The following TBX6 variants were observed in gnomAD, a reference collection of about 807,000 sequenced individuals.
TBX6 encodes T-box transcription factor 6.
Under a neutral mutation model 42.3 loss-of-function variants are expected in TBX6, and 29 were observed. The ratio of observed to expected loss-of-function variants is 0.69; its 90% CI spans 0.51 to 0.93. The LOEUF is 0.93. Ranked by LOEUF, TBX6 falls within the 40% of genes least tolerant of loss-of-function variation. TBX6 has a pLI of 0.00. For synonymous variants in TBX6, 249 were observed against 245.1 expected (o/e 1.02, Z -0.15); for missense variants, 569 against 603.3 (o/e 0.94, Z 0.59).
Position 30,086,834 on chromosome 16 carries a change from A to G in TBX6, c.857T>C (p.Val286Ala). The change falls in exon 7 of 9, where the codon GTG (valine) becomes GCG (alanine). Residue 286 changes from valine to alanine, a missense_variant. Physicochemically the swap from Val to Ala is moderately conservative, Grantham distance 64. Coordinates refer to ENST00000395224, the MANE Select transcript of TBX6 (RefSeq NM_004608.4). This position sits in a 1 kb window ranked among gnomAD's most constrained non-coding sequence, Gnocchi z 4.6. ...RNCKRERDAR[V>A]KRKLRGPEPA... ...CTCTGGGCCCCGCAGTTTCCTCTTC[A>G]CACGGGCGTCTCGCTCCCTGGGGAA... 1 of 1,613,110 alleles carries G rather than the reference A, an allele frequency of 6.2e-7. No individual in the cohort carries two copies. Among genetic ancestry groups the G allele is most frequent in the Non-Finnish European group, 8.5e-7 (1 of 1,179,662 alleles).
chr16:30,086,268 G>A lies in TBX6; in HGVS notation c.1268C>T (p.Ala423Val), dbSNP rs201930048. 291 of 1,612,130 alleles carry A rather than the reference G, an allele frequency of 1.8e-4. No individual in the cohort carries two copies. The highest frequency in any genetic ancestry group is 2.3e-4 in the Non-Finnish European group (272 of 1,179,682). ...GCCCACATCCAGATAGCCCCCAGGC[G>A]CGGTGTATGGTAGAGGGAAGGGGCC... Reference protein sequence around the residue: ...QGGPFPLPYTAPGGYLDVGSK... With the variant: ...QGGPFPLPYTVPGGYLDVGSK... The change falls in exon 9 of 9, where the codon GCG becomes GTG. Residue 423 changes from alanine (A) to valine (V), a missense_variant. Ala to Val is a moderately conservative substitution (Grantham distance 64). This residue lies in a region of TBX6 where 245 missense variants were observed against 227.4 expected (regional missense o/e 1.08). Coordinates refer to ENST00000395224, the MANE Select transcript of TBX6 (RefSeq NM_004608.4). This position sits in a 1 kb window ranked among gnomAD's most constrained non-coding sequence, Gnocchi z 4.6.
rs1264322049 is a variant in TBX6 at position 30,086,068 on chromosome 16, T to C, written c.*157A>G. The C allele has an allele frequency of 1.4e-5, 7 of 514,376 alleles. No homozygotes were observed. The highest frequency in any genetic ancestry group is 1.8e-5 in the Non-Finnish European group (6 of 330,826). The allele number at this position is 514,376 out of a possible 1,614,324, so 31.9% of individuals were successfully genotyped here. On this transcript the variant is annotated 3_prime_UTR_variant, in exon 9 of 9. Transcript: ENST00000395224. The surrounding 1 kb of genome is among the most constrained non-coding windows in gnomAD (Gnocchi z 4.6). ...GTTAGGCTTTGAAGCCAGAGGGGGG[T>C]GGGAGTGAAATCAAGGTGTGAAGTT...
rs767360040 is a variant in TBX6, at chr16:30,090,818, C to G, written c.293G>C (p.Arg98Pro). Residue 98 changes from arginine to proline, a missense_variant, in exon 3 of 9, where the codon CGG (arginine) becomes CCG (proline). Physicochemically the swap from Arg to Pro is moderately radical, Grantham distance 103. This residue lies in a region of TBX6 where 190 missense variants were observed against 250.6 expected (regional missense o/e 0.76). Coordinates refer to ENST00000395224, the MANE Select transcript of TBX6 (RefSeq NM_004608.4). ...AGAGCTGAACTCCTTCCATAGCTCC[C>G]GGTTCTCCAGGCTCAGGCTGACCCC... is the stretch of plus-strand genomic sequence containing the variant. ...LPGVSLSLENRELWKEFSSVG... is the reference protein window; with the variant it reads ...LPGVSLSLENPELWKEFSSVG... 1 of 1,603,226 alleles carries G rather than the reference C, an allele frequency of 6.2e-7. No homozygotes were observed. The highest frequency in any genetic ancestry group is 1.7e-5 in the Admixed American group (1 of 58,292).
chr16:30,091,315 G>A (rs1003959607), intron 1 of TBX6, 74 bp from the exon 2 acceptor site: 2 of 879,462 alleles, frequency 2.3e-6, no homozygotes, highest in South Asian at 1.8e-5. Context: ...CCCCTCTTTG[G>A]GGCCCTGGAG....
In TBX6 at chr16:30,088,385, C is replaced by T; in HGVS notation, c.839+160G>A. On this transcript the variant is annotated intron_variant, in intron 6 of 8. Coordinates refer to ENST00000395224, the MANE Select transcript of TBX6 (RefSeq NM_004608.4). This position sits in a 1 kb window ranked among gnomAD's most constrained non-coding sequence, Gnocchi z 4.1. ...TTTTATCTCCAGTGCCTGGAACTGT[C>T]CCTGGCACATAGCAGGTACTATATA... 9.8e-7 allele frequency: 1 copy of T among 1,020,138 alleles called. No individual in the cohort carries two copies. Among genetic ancestry groups the T allele is most frequent in the East Asian group, 2.6e-5 (1 of 38,606 alleles). The allele number at this position is 1,020,138 out of a possible 1,614,324, so 63.2% of individuals were successfully genotyped here.
intron 3 of TBX6, among the ~76,000 whole-genome samples, chr16:30,090,303 G>A (rs1350601631): frequency 1.3e-5 from 2 of 152,156 alleles, no homozygotes; most frequent in Non-Finnish European, 2.9e-5. Context: ...GTCAAACACT[G>A]ACCGTGTCCC....
chr16:30,091,237 C>G lies in TBX6; in HGVS notation c.-44G>C, dbSNP rs780684105. On this transcript the variant is annotated 5_prime_UTR_variant, in exon 2 of 9. Coordinates refer to ENST00000395224, the MANE Select transcript of TBX6 (RefSeq NM_004608.4). ...CTCAGGTCTCGCTGCTTAGGGCCCCCGGTGCTGCGAGATGCCCCCTTTATA... is the reference window on the plus strand; with the variant it reads ...CTCAGGTCTCGCTGCTTAGGGCCCCGGGTGCTGCGAGATGCCCCCTTTATA... 2.1e-6 allele frequency: 3 copies of G among 1,444,146 alleles called. No homozygotes were observed. The highest frequency in any genetic ancestry group is 1.9e-6 in the Non-Finnish European group (2 of 1,077,746). 89.5% of individuals were successfully genotyped at this position (1,444,146 alleles called of 1,614,324 possible).
rs1375364727 is a variant in TBX6, at chr16:30,091,002, G to A, written c.119-10C>T. 7 of 1,609,058 alleles carry A rather than the reference G, an allele frequency of 4.4e-6. No individual in the cohort carries two copies. In the Admixed American group the frequency reaches 5.1e-5, roughly 12 times the overall value. Reference sequence around the variant, plus strand: ...TTAGGGGTGTCCAGTTCTGGAAGCCGGGGAAGAATGAGGAGCCAGCCGAGG... The same window carrying A: ...TTAGGGGTGTCCAGTTCTGGAAGCCAGGGAAGAATGAGGAGCCAGCCGAGG... On this transcript the variant is annotated splice_polypyrimidine_tract_variant and intron_variant, in intron 2 of 8. Coordinates refer to ENST00000395224, the MANE Select transcript of TBX6 (RefSeq NM_004608.4).
In TBX6 at chr16:30,088,760, C is replaced by A. The variant is rs776999311; in HGVS notation, c.701G>T (p.Gly234Val). 1 of 1,614,056 alleles carries A rather than the reference C, an allele frequency of 6.2e-7. No homozygotes were observed. The highest frequency in any genetic ancestry group is 8.5e-7 in the Non-Finnish European group (1 of 1,179,942). ...RAAQLCSQHWGGMASFRFPET... is the reference protein window; with the variant it reads ...RAAQLCSQHWVGMASFRFPET... The stretch of plus-strand genomic sequence containing the variant: ...GGGGAAGCGGAAGGAGGCCATGCCC[C>A]CCCAGTGCTGGCTGCAGAGCTGGGC... The change falls in exon 5 of 9, where the codon GGG becomes GTG. Residue 234 changes from glycine to valine, a missense_variant. Physicochemically the swap from Gly to Val is moderately radical, Grantham distance 109. This residue lies in a region of TBX6 where 190 missense variants were observed against 250.6 expected (regional missense o/e 0.76). Transcript: ENST00000395224. This position sits in a 1 kb window ranked among gnomAD's most constrained non-coding sequence, Gnocchi z 4.1.
At chr16:30,087,014 A>G (rs2072644956) in intron 6 of TBX6, 163 bp from the exon 7 acceptor site, 1 of 768,902 alleles carries the variant, frequency 1.3e-6, no homozygotes, top group Non-Finnish European at 2.0e-6. Context: ...CAGAAAATTA[A>G]ATAACTAGAA....
chr16:30,091,176 T>G lies in TBX6; in HGVS notation c.18A>C (p.Glu6Asp). 1.9e-6 allele frequency: 3 copies of G among 1,587,316 alleles called. No individual in the cohort carries two copies. The highest frequency in any genetic ancestry group is 2.6e-6 in the Non-Finnish European group (3 of 1,169,262). Residue 6 changes from glutamate to aspartate, a missense_variant, in exon 2 of 9, where the codon GAA (glutamate) becomes GAC (aspartate). By Grantham distance (45) the Glu-to-Asp change is conservative. Transcript: ENST00000395224. ...AGCCGGCCCCCAGGGACGGGTACAA[T>G]TCTCGTGGATGGTACATGTTGTAGT... MYHPR[E>D]LYPSLGAGYR...
Position 30,087,059 on chromosome 16 carries a change from T to G in TBX6, c.840-208A>C, listed in dbSNP as rs146714548. 8.1e-3 allele frequency among the ~76,000 whole-genome samples: 1,232 copies of G among 152,266 alleles called. 5 individuals are homozygous for G. The highest frequency in any genetic ancestry group is 0.014 in the Non-Finnish European group (967 of 68,020). On this transcript the variant is annotated intron_variant, in intron 6 of 8. Coordinates refer to ENST00000395224, the MANE Select transcript of TBX6 (RefSeq NM_004608.4). ...GCTGGAATTTTGTCCCTGCTCAAAT[T>G]TGTCCATGCTTTCCTATTGTGTTTA...
rs1270485104 is a variant in TBX6 at position 30,088,745 on chromosome 16, AAGG to A, written c.713_715del (p.Ser238del). ...GATGAATGTGGTCTCGGGGAAGCGG[AAGG>A]AGGCCATGCCCCCCCAGTGCTGGCT... On this transcript the variant is annotated inframe_deletion, in exon 5 of 9. Coordinates refer to ENST00000395224, the MANE Select transcript of TBX6 (RefSeq NM_004608.4). The surrounding 1 kb of genome is among the most constrained non-coding windows in gnomAD (Gnocchi z 4.1). The A allele has an allele frequency of 6.2e-7, 1 of 1,613,992 alleles. No homozygotes were observed. Among genetic ancestry groups the A allele is most frequent in the Non-Finnish European group, 8.5e-7 (1 of 1,179,932 alleles).
chr16:30,091,485 T>G, intron 1 of TBX6: 1 of 301,648 alleles, frequency 3.3e-6, no homozygotes, highest in Non-Finnish European at 6.2e-6. Flanking sequence ...GCTTGATTGA[T>G]CCCCAGGGCT....
chr16:30,089,117 A>T lies in TBX6; in HGVS notation c.447T>A (p.Ala149=). 6.2e-7 allele frequency: 1 copy of T among 1,613,980 alleles called. No individual in the cohort carries two copies. The change falls in exon 4 of 9, where the codon GCT becomes GCA. Residue 149 remains alanine, a synonymous_variant. Transcript: ENST00000395224. The part of the protein sequence containing the change: ...FLLDVIPVDG[A]RYRWQGRRWE... ...AGCGCCGGCCCTGCCAGCGGTAGCG[A>T]GCCCCATCCACCGGAATCACATCCA...
chr16:30,090,236 C>T (rs1442750812), intron 3 of TBX6, among the ~76,000 whole-genome samples: 1 of 152,144 alleles, frequency 6.6e-6, no homozygotes. Flanking sequence ...GCAGTAGGGC[C>T]GAGGACTTTC....
Position 30,088,227 on chromosome 16 carries a change from C to T in TBX6, c.839+318G>A. The T allele has an allele frequency of 2.6e-6, 1 of 380,806 alleles. No individual in the cohort carries two copies. 23.6% of individuals were successfully genotyped at this position (380,806 alleles called of 1,614,324 possible). ...TGCTGGGATTACATGCGTGAGCCAC[C>T]ACACCTGGTCTCTCTTCTCTTTAGA... On this transcript the variant is annotated intron_variant, in intron 6 of 8. Transcript: ENST00000395224. This position sits in a 1 kb window ranked among gnomAD's most constrained non-coding sequence, Gnocchi z 4.1.
intron 6 of TBX6, chr16:30,087,930 T>C (rs577314903): frequency 2.0e-4 from 28 of 139,132 alleles, no homozygotes; most frequent in African/African-American, 7.1e-4. Context: ...CAGAGTTTTC[T>C]TTTCTTTCTT....
Position 30,086,861 on chromosome 16 carries a change from AGTG to A in TBX6, c.840-13_840-11del, listed in dbSNP as rs761867390. 7 of 1,592,678 alleles carry A rather than the reference AGTG, an allele frequency of 4.4e-6. No homozygotes were observed. The Admixed American group carries it at 6.9e-5, about 16-fold the overall frequency. ...ACGGGCGTCTCGCTCCCTGGGGAAC[AGTG>A]GTGGTGATGATGATGATGATGGTGA... is the stretch of plus-strand genomic sequence containing the variant. On this transcript the variant is annotated splice_polypyrimidine_tract_variant and intron_variant, in intron 6 of 8. Coordinates refer to ENST00000395224, the MANE Select transcript of TBX6 (RefSeq NM_004608.4). This position sits in a 1 kb window ranked among gnomAD's most constrained non-coding sequence, Gnocchi z 4.6.
Sources: allele counts gnomAD v4.1 joint callset (sites outside exome capture counted in the v4.1 genomes callset), GRCh38; gene constraint gnomAD v4.1.1; regional missense constraint gnomAD v4.1.1; non-coding constraint Gnocchi (gnomAD v3.1); transcripts MANE v1.5; gene names NCBI Gene and HGNC (gene_info 2026-07-23, HGNC 2026-07-21).